Variants in RDH11 observed in about 807,000 individuals in gnomAD.
RDH11 encodes retinol dehydrogenase 11.
Under a neutral mutation model 33.4 loss-of-function variants are expected in RDH11, and 19 were observed. That is an observed-to-expected ratio of 0.57 (90% CI 0.40 to 0.83). RDH11 has a LOEUF of 0.83. RDH11 is among the 40% of genes least tolerant of loss of function. The pLI is 0.00. For missense variants in RDH11, 353 were observed against 389.0 expected (o/e 0.91, Z 0.78); for synonymous variants, 154 against 155.3 (o/e 0.99, Z 0.06).
intron 5 of RDH11, among the ~76,000 whole-genome samples, chr14:67,689,736 G>A (rs774777578): frequency 6.6e-6 from 1 of 152,084 alleles, no homozygotes; most frequent in Non-Finnish European, 1.5e-5. Flanking sequence ...CTGAGGTCAC[G>A]AGTTCAAGAC....
At position 67,692,514 on chromosome 14, in the gene RDH11, G is replaced by A. The variant is rs777775651; in HGVS notation, c.273C>T (p.Asn91=). The A allele has an allele frequency of 6.2e-7, 1 of 1,613,694 alleles. No homozygotes were observed. Among genetic ancestry groups the A allele is most frequent in the Admixed American group, 1.7e-5 (1 of 59,914 alleles). The change falls in exon 3 of 7, where the codon AAC becomes AAT. Residue 91 remains asparagine (N), a synonymous_variant. Coordinates refer to ENST00000381346, the MANE Select transcript of RDH11 (RefSeq NM_016026.4). ...CCAGTTTCCGCACCAACACCTGCTG[G>A]TTCCCTGTCGTGGTCTGGATCTCTT... is the stretch of plus-strand genomic sequence containing the variant. ...VAKEIQTTTG[N]QQVLVRKLDL...
intron 1 of RDH11, among the ~76,000 whole-genome samples, chr14:67,694,778 T>G (rs1346228362): frequency 6.6e-6 from 1 of 152,140 alleles, no homozygotes; most frequent in Non-Finnish European, 1.5e-5. Flanking sequence ...AGTAGGTGAC[T>G]GTGGTAAGAA....
At chr14:67,682,219 G>C (rs2037624571) in intron 6 of RDH11, among the ~76,000 whole-genome samples, 1 of 152,150 alleles carries the variant, frequency 6.6e-6, no homozygotes. Flanking sequence ...GTAAGGCAAT[G>C]ATTTCTTAGA....
chr14:67,685,124 T>C lies in RDH11; in HGVS notation c.745A>G (p.Met249Val). 1.9e-6 allele frequency: 3 copies of C among 1,614,036 alleles called. No individual in the cohort carries two copies. Among genetic ancestry groups the C allele is most frequent in the South Asian group, 1.1e-5 (1 of 91,064 alleles). ...LVRHSSFMRW[M>V]WWLFSFFIKT... ...ATGAAAAAGGAGAAAAGCCACCACATCCATCTCATGAAAGATGAGTGCCGA... is the reference window on the plus strand; with the variant it reads ...ATGAAAAAGGAGAAAAGCCACCACACCCATCTCATGAAAGATGAGTGCCGA... The change falls in exon 6 of 7, where the codon ATG becomes GTG. Residue 249 changes from methionine (M) to valine (V), a missense_variant. Met to Val is a conservative substitution (Grantham distance 21, BLOSUM62 1). Transcript: ENST00000381346.
chr14:67,690,223 C>T lies in RDH11; in HGVS notation c.653G>A (p.Arg218Gln), dbSNP rs778517143. Residue 218 changes from arginine to glutamine, a missense_variant, in exon 5 of 7, where the codon CGG becomes CAG. Coordinates refer to ENST00000381346, the MANE Select transcript of RDH11 (RefSeq NM_016026.4). ...TCCTCTAGGCCCACCTTTTAGTCTC[C>T]GGGCCAGTTCCTGGGTGAAGAGGAT... is the stretch of plus-strand genomic sequence containing the variant. ...ANILFTQELA[R>Q]RLKGSGVTTY... The T allele has an allele frequency of 1.4e-5, 22 of 1,612,966 alleles. No individual in the cohort carries two copies. The highest frequency in any genetic ancestry group is 1.7e-5 in the Non-Finnish European group (20 of 1,179,818).
intron 6 of RDH11, among the ~76,000 whole-genome samples, chr14:67,678,993 T>C: frequency 6.6e-6 from 1 of 152,330 alleles, no homozygotes; most frequent in Middle Eastern, 3.4e-3. Context: ...TTGGTCCATT[T>C]TGTGGTACTG....
Position 67,690,436 on chromosome 14 carries a change from T to C in RDH11, c.455-15A>G. 1.2e-6 allele frequency: 2 copies of C among 1,610,524 alleles called. No individual in the cohort carries two copies. The highest frequency in any genetic ancestry group is 8.5e-7 in the Non-Finnish European group (1 of 1,176,690). ...GAGGAAGTGACCTGTTGAGAAATAC[T>C]AGAATTAATGAAGTTCAGGGCCATG... is the stretch of plus-strand genomic sequence containing the variant. On this transcript the variant is annotated splice_polypyrimidine_tract_variant and intron_variant, in intron 4 of 6. Coordinates refer to ENST00000381346, the MANE Select transcript of RDH11 (RefSeq NM_016026.4).
intron 6 of RDH11, among the ~76,000 whole-genome samples, chr14:67,681,827 CAACTAT>C (rs2037619705): frequency 6.6e-6 from 1 of 152,130 alleles, no homozygotes; most frequent in Admixed American, 6.5e-5. Context: ...TGTAATGCTA[CAACTAT>C]AAGACTATTA....
At chr14:67,695,363 G>C (rs953082532) in intron 1 of RDH11, among the ~76,000 whole-genome samples, 1 of 152,198 alleles carries the variant, frequency 6.6e-6, no homozygotes. Context: ...CCTGGAGCCA[G>C]AATCAGGGGG....
At chr14:67,687,544 TCAC>T (rs1051609308) in intron 5 of RDH11, among the ~76,000 whole-genome samples, 10 of 146,860 alleles carry the variant, frequency 6.8e-5, no homozygotes. Context: ...TGATCTCAGC[TCAC>T]CACAACCTCT....
Position 67,692,975 on chromosome 14 carries a change from G to A in RDH11, c.152C>T (p.Thr51Ile). ...GKVVVVTGAN[T>I]GIGKETAKEL... ...TTTGGCTGTCTCCTTCCCGATACCT[G>A]TATTAGCTCCTGTGACCACAACTAC... Residue 51 changes from threonine to isoleucine, a missense_variant, in exon 2 of 7, where the codon ACA (threonine) becomes ATA (isoleucine). By Grantham distance (89) the Thr-to-Ile change is moderately conservative (BLOSUM62 -1). Coordinates refer to ENST00000381346, the MANE Select transcript of RDH11 (RefSeq NM_016026.4). The A allele has an allele frequency of 6.2e-7, 1 of 1,614,012 alleles. No individual in the cohort carries two copies. The highest frequency in any genetic ancestry group is 8.5e-7 in the Non-Finnish European group (1 of 1,179,926).
rs1033362794 is a variant in RDH11, at chr14:67,693,036, C to G, written c.91G>C (p.Gly31Arg). The change falls in exon 2 of 7, where the codon GGG (glycine) becomes CGG (arginine). Residue 31 changes from glycine (G) to arginine (R), a missense_variant. Physicochemically the swap from Gly to Arg is moderately radical, Grantham distance 125. Coordinates refer to ENST00000381346, the MANE Select transcript of RDH11 (RefSeq NM_016026.4). ...AGCTGAACAGTTGATGTACACACCC[C>G]ACTGGACAGCATTTTCCTGCAGACA... ...APQIRKMLSS[G>R]VCTSTVQLPG... 1 of 1,612,668 alleles carries G rather than the reference C, an allele frequency of 6.2e-7. No individual in the cohort carries two copies.
At chr14:67,680,741 G>A (rs1403876646) in intron 6 of RDH11, among the ~76,000 whole-genome samples, 2 of 152,206 alleles carry the variant, frequency 1.3e-5, no homozygotes, top group Admixed American at 6.5e-5. Flanking sequence ...TTACAGGCGT[G>A]AGCCGCCGCG....
In RDH11 at chr14:67,678,442, G is replaced by A. The variant is rs779771417; in HGVS notation, c.855-19C>T. 16 of 1,538,058 alleles carry A rather than the reference G, an allele frequency of 1.0e-5. No homozygotes were observed. The highest frequency in any genetic ancestry group is 1.3e-5 in the Non-Finnish European group (15 of 1,111,234). On this transcript the variant is annotated intron_variant, in intron 6 of 6. Transcript: ENST00000381346. The stretch of plus-strand genomic sequence containing the variant: ...ACAGTCACTGGAAGGTAAAGAGAAA[G>A]GTATGAAGCACAGTGTTAAGAATGA...
In RDH11 at chr14:67,678,270, G is replaced by T; in HGVS notation, c.*51C>A. 2 of 1,152,092 alleles carry T rather than the reference G, an allele frequency of 1.7e-6. No homozygotes were observed. Among genetic ancestry groups the T allele is most frequent in the Non-Finnish European group, 1.3e-6 (1 of 761,502 alleles). 71.4% of individuals were successfully genotyped at this position (1,152,092 alleles called of 1,614,324 possible). ...TGAAGGAGAATCATTTTGACAAGAAGTACTGTGTAGTCTGCTGCAGTCTTC... is the reference window on the plus strand; with the variant it reads ...TGAAGGAGAATCATTTTGACAAGAATTACTGTGTAGTCTGCTGCAGTCTTC... On this transcript the variant is annotated 3_prime_UTR_variant, in exon 7 of 7. Transcript: ENST00000381346.
chr14:67,685,015 C>A lies in RDH11; in HGVS notation c.854G>T (p.Ser285Ile). Residue 285 changes from serine to isoleucine, a missense_variant and splice_region_variant, in exon 6 of 7, where the codon AGT (serine) becomes ATT (isoleucine). By Grantham distance (142) the Ser-to-Ile change is moderately radical. Coordinates refer to ENST00000381346, the MANE Select transcript of RDH11 (RefSeq NM_016026.4). ...GLEILSGNHFSDCHVAWVSAQ... is the reference protein window; with the variant it reads ...GLEILSGNHFIDCHVAWVSAQ... Reference sequence around the variant, plus strand: ...CTGCAAAAAGAGATAACATTCATACCTGAAATGATTCCCACTTAGAATCTC... The same window carrying A: ...CTGCAAAAAGAGATAACATTCATACATGAAATGATTCCCACTTAGAATCTC... 1 of 1,605,482 alleles carries A rather than the reference C, an allele frequency of 6.2e-7. No individual in the cohort carries two copies. Among genetic ancestry groups the A allele is most frequent in the Non-Finnish European group, 8.5e-7 (1 of 1,176,580 alleles).
chr14:67,685,895 C>T (rs1256111243), intron 5 of RDH11, among the ~76,000 whole-genome samples: 3 of 151,984 alleles, frequency 2.0e-5, no homozygotes, highest in South Asian at 2.1e-4. Flanking sequence ...GGATTACAGG[C>T]GCCCATCCCC....
rs140397749 is a variant in RDH11, at chr14:67,688,797, A to C, written c.664+1415T>G. Among the ~76,000 whole-genome samples the C allele has an allele frequency of 2.0e-5, 3 of 152,270 alleles. No homozygotes were observed. The East Asian group carries it at 5.8e-4, about 29-fold the overall frequency. ...TTACTAGACTGATTTTACATTTAATAGTTTGTATAAAGACTTGCTAATTGT... is the reference window on the plus strand; with the variant it reads ...TTACTAGACTGATTTTACATTTAATCGTTTGTATAAAGACTTGCTAATTGT... On this transcript the variant is annotated intron_variant, in intron 5 of 6. Coordinates refer to ENST00000381346, the MANE Select transcript of RDH11 (RefSeq NM_016026.4).
At chr14:67,679,464 T>C (rs1477142628) in intron 6 of RDH11, among the ~76,000 whole-genome samples, 4 of 151,226 alleles carry the variant, frequency 2.6e-5, no homozygotes, top group Non-Finnish European at 5.9e-5. Flanking sequence ...AGTGCAGTGA[T>C]GCGATCTCAG....
Sources: allele counts gnomAD v4.1 joint callset (sites outside exome capture counted in the v4.1 genomes callset), GRCh38; gene constraint gnomAD v4.1.1; transcripts MANE v1.5; gene names NCBI Gene and HGNC (gene_info 2026-07-23, HGNC 2026-07-21).